HMGCLL1: variants seen among roughly 807,000 people sequenced by gnomAD.
HMGCLL1 encodes the protein 3-hydroxymethyl-3-methylglutaryl-CoA lyase, cytoplasmic.
Under a neutral mutation model 39.1 loss-of-function variants are expected in HMGCLL1, and 36 were observed. That is an observed-to-expected ratio of 0.92 (90% CI 0.71 to 1.22). The LOEUF is 1.22. Among genes scored for constraint, HMGCLL1 ranks in the 50% most tolerant of loss-of-function variants. HMGCLL1 has a pLI of 0.00. For missense variants in HMGCLL1, 451 were observed against 416.5 expected (o/e 1.08, Z -0.72); for synonymous variants, 149 against 144.0 (o/e 1.03, Z -0.25).
intron 3 of HMGCLL1, among the ~76,000 whole-genome samples, chr6:55,524,515 G>T (rs981591098): frequency 6.9e-6 from 1 of 145,038 alleles, no homozygotes; most frequent in Non-Finnish European, 1.5e-5. Context: ...AGTATCTAAA[G>T]TTCCCTACAA....
At chr6:55,611,317 T>G in the HMGCLL1 span, among the ~76,000 whole-genome samples, 44 of 152,092 alleles carry the variant, frequency 2.9e-4, no homozygotes, top group Non-Finnish European at 6.0e-4. Context: ...TAGAAAGATC[T>G]CAAATAGACA....
intron 7 of HMGCLL1, among the ~76,000 whole-genome samples, chr6:55,450,181 C>T (rs560325349): frequency 6.6e-6 from 1 of 152,296 alleles, no homozygotes; most frequent in South Asian, 2.1e-4. Flanking sequence ...TCTCCAAATA[C>T]ATACCACAGT....
intron 8 of HMGCLL1, among the ~76,000 whole-genome samples, chr6:55,436,382 A>T (rs1210585001): frequency 6.6e-6 from 1 of 152,046 alleles, no homozygotes; most frequent in Admixed American, 6.6e-5. Context: ...AAGTATAAAT[A>T]GGATCAACAA....
At chr6:55,508,999 C>T (rs1337122595) in intron 5 of HMGCLL1, among the ~76,000 whole-genome samples, 1 of 151,842 alleles carries the variant, frequency 6.6e-6, no homozygotes, top group Non-Finnish European at 1.5e-5. Flanking sequence ...CTGCACAAAC[C>T]CAGCTTACAA....
intron 3 of HMGCLL1, among the ~76,000 whole-genome samples, chr6:55,523,592 C>T (rs1020123326): frequency 6.6e-6 from 1 of 151,850 alleles, no homozygotes. Flanking sequence ...CTCACAATTG[C>T]TGCACTCTTT....
chr6:55,502,071 T>C (rs1476065689), intron 5 of HMGCLL1, among the ~76,000 whole-genome samples: 2 of 151,890 alleles, frequency 1.3e-5, no homozygotes, highest in Non-Finnish European at 2.9e-5. Context: ...GAATACATAG[T>C]AGTTCTTTCA....
In HMGCLL1 at chr6:55,479,314, T is replaced by C. The variant is rs114668395; in HGVS notation, c.795+16105A>G. Among the ~76,000 whole-genome samples the C allele has an allele frequency of 7.5e-3, 1,133 of 151,686 alleles. 43 individuals carry two copies. The highest frequency in any genetic ancestry group is 0.02 in the African/African-American group (820 of 41,064). On this transcript the variant is annotated intron_variant, in intron 7 of 8. Coordinates refer to ENST00000274901, the MANE Select transcript of HMGCLL1 (RefSeq NM_001042406.2). ...TCCTGTTTTCTTAACCACAACACTT[T>C]AGACACATATAAACTACACATTTTT...
chr6:55,665,385 T>C, the HMGCLL1 span, among the ~76,000 whole-genome samples: 1 of 151,878 alleles, frequency 6.6e-6, no homozygotes, highest in African/African-American at 2.4e-5. Context: ...TTGAGTCATC[T>C]ATAAGTTTTC....
chr6:55,628,019 T>G, the HMGCLL1 span, among the ~76,000 whole-genome samples: 1 of 10,676 alleles, frequency 9.4e-5, no homozygotes, highest in Non-Finnish European at 1.4e-4. Flanking sequence ...ACTATATATA[T>G]AATATATATA....
chr6:55,527,949 C>G (rs1398717818), intron 3 of HMGCLL1, among the ~76,000 whole-genome samples: 1 of 152,010 alleles, frequency 6.6e-6, no homozygotes, highest in Non-Finnish European at 1.5e-5. Context: ...ATCTCATGTT[C>G]ATAAATTCTC....
chr6:55,502,946 T>C (rs1304679819), intron 5 of HMGCLL1, among the ~76,000 whole-genome samples: 4 of 148,894 alleles, frequency 2.7e-5, no homozygotes, highest in African/African-American at 9.9e-5. Context: ...TATAATCTTT[T>C]TCAGATTGTT....
At chr6:55,656,496 A>G in the HMGCLL1 span, among the ~76,000 whole-genome samples, 1 of 151,910 alleles carries the variant, frequency 6.6e-6, no homozygotes, top group Non-Finnish European at 1.5e-5. Flanking sequence ...AGGCCTGGCC[A>G]CTTAAACACC....
intron 3 of HMGCLL1, among the ~76,000 whole-genome samples, chr6:55,527,939 A>G (rs1768410153): frequency 6.6e-6 from 1 of 152,056 alleles, no homozygotes; most frequent in Admixed American, 6.6e-5. Flanking sequence ...TTCCGAGTAC[A>G]TCTCATGTTC....
At chr6:55,458,997 A>T (rs1050585811) in intron 7 of HMGCLL1, among the ~76,000 whole-genome samples, 1 of 152,164 alleles carries the variant, frequency 6.6e-6, no homozygotes, top group South Asian at 2.1e-4. Flanking sequence ...TTATAACAGA[A>T]GATTTTAGCT....
At chr6:55,592,959 T>C in the HMGCLL1 span, among the ~76,000 whole-genome samples, 2 of 152,130 alleles carry the variant, frequency 1.3e-5, no homozygotes, top group African/African-American at 4.8e-5. Flanking sequence ...GAAATTACAC[T>C]AAGCTAAAGT....
the HMGCLL1 span, among the ~76,000 whole-genome samples, chr6:55,647,769 A>ATTTTTTTTTT: frequency 4.0e-5 from 3 of 74,678 alleles, no homozygotes; most frequent in Admixed American, 1.3e-4. Context: ...ATTTTATTTT[A>ATTTTTTTTTT]TTTTTTTTTT....
In HMGCLL1 at chr6:55,435,705, T is replaced by A. The variant is rs753967069; in HGVS notation, c.980A>T (p.Lys327Ile). Residue 327 changes from lysine to isoleucine, a missense_variant, in exon 9 of 9, where the codon AAA becomes ATA. Lys to Ile is a moderately radical substitution (Grantham distance 102, BLOSUM62 -3). Transcript: ENST00000274901. ...TTGTGCTACTTTAGAGTTTGTGGTT[T>A]TATTCACAGCTTTGCAAATAAAGTC... ...AGDFICKAVN[K>I]TTNSKVAQAS... is the part of the protein sequence containing the mutation. 6.2e-7 allele frequency: 1 copy of A among 1,606,250 alleles called. No homozygotes were observed.
intron 7 of HMGCLL1, among the ~76,000 whole-genome samples, chr6:55,458,967 A>C (rs1764442521): frequency 6.6e-6 from 1 of 152,166 alleles, no homozygotes; most frequent in Non-Finnish European, 1.5e-5. Context: ...AAGTATGTTT[A>C]AACAAAAATC....
chr6:55,531,800 G>A (rs915953819), intron 3 of HMGCLL1, among the ~76,000 whole-genome samples: 5 of 152,116 alleles, frequency 3.3e-5, no homozygotes, highest in Non-Finnish European at 5.9e-5. Flanking sequence ...AAGGGATCTA[G>A]GTTGTTCACT....
Sources: allele counts gnomAD v4.1 joint callset (sites outside exome capture counted in the v4.1 genomes callset), GRCh38; gene constraint gnomAD v4.1.1; transcripts MANE v1.5; gene names NCBI Gene and HGNC (gene_info 2026-07-23, HGNC 2026-07-21).